The following ARL15 variants were observed in gnomAD, a reference collection of about 807,000 sequenced individuals.
The protein encoded by ARL15 is ADP-ribosylation factor-like protein 15.
Under a neutral mutation model 25.2 loss-of-function variants are expected in ARL15, and 19 were observed. That is an observed-to-expected ratio of 0.75 (90% CI 0.53 to 1.10). The LOEUF is 1.10. ARL15 is among the 50% of genes least tolerant of loss of function. The pLI, the probability that ARL15 is intolerant of heterozygous loss-of-function variation, is 0.00. For missense variants in ARL15, 220 were observed against 246.0 expected, an observed-to-expected ratio of 0.89 and a Z score of 0.71; for synonymous variants, 94 against 86.8, an observed-to-expected ratio of 1.08 and a Z score of -0.46.
At chr5:53,988,106 C>A (rs925663571) in intron 4 of ARL15, among the ~76,000 whole-genome samples, 2 of 149,976 alleles carry the variant, frequency 1.3e-5, no homozygotes, top group East Asian at 3.9e-4. Flanking sequence ...CCAACTCCAA[C>A]AACAACAACA....
intron 4 of ARL15, among the ~76,000 whole-genome samples, chr5:53,921,519 G>A (rs768554735): frequency 2.6e-5 from 4 of 152,130 alleles, no homozygotes; most frequent in East Asian, 1.9e-4. Context: ...AGAATAATGC[G>A]TATAAAACAC....
At chr5:53,899,347 CAAAAAAAAAA>C (rs59145507) in intron 4 of ARL15, among the ~76,000 whole-genome samples, 1 of 89,380 alleles carries the variant, frequency 1.1e-5, no homozygotes, top group Non-Finnish European at 1.9e-5. Flanking sequence ...GACTCTATCC[CAAAAAAAAAA>C]AAAAAAAAAA....
chr5:54,207,430 C>T (rs370892001), intron 1 of ARL15, among the ~76,000 whole-genome samples: 11 of 152,202 alleles, frequency 7.2e-5, no homozygotes, highest in East Asian at 3.8e-4. Context: ...ATTGTTCACA[C>T]TGCACCTACA....
At chr5:54,253,725 G>C (rs1253144442) in intron 1 of ARL15, among the ~76,000 whole-genome samples, 3 of 151,956 alleles carry the variant, frequency 2.0e-5, no homozygotes, top group Non-Finnish European at 4.4e-5. Context: ...CAAGTAGTTG[G>C]GACTACAGGT....
chr5:54,145,733 A>G (rs963361419), intron 3 of ARL15, among the ~76,000 whole-genome samples: 3 of 152,208 alleles, frequency 2.0e-5, no homozygotes, highest in African/African-American at 7.2e-5. Flanking sequence ...AGTGAATTAA[A>G]TAACAATAAC....
chr5:53,908,250 A>C (rs1745335516), intron 4 of ARL15, among the ~76,000 whole-genome samples: 1 of 152,204 alleles, frequency 6.6e-6, no homozygotes, highest in African/African-American at 2.4e-5. Context: ...ATATAGGAAA[A>C]AAATATAGTA....
chr5:54,105,046 AATG>A (rs1389041460), intron 4 of ARL15, among the ~76,000 whole-genome samples: 1 of 151,092 alleles, frequency 6.6e-6, no homozygotes, highest in Non-Finnish European at 1.5e-5. Context: ...TAATAATAAT[AATG>A]ATAATAATTA....
intron 4 of ARL15, among the ~76,000 whole-genome samples, chr5:54,011,411 G>A (rs1426205290): frequency 6.6e-6 from 1 of 152,058 alleles, no homozygotes; most frequent in Non-Finnish European, 1.5e-5. Context: ...AATCAGAAGA[G>A]GTTGGTTTTT....
intron 4 of ARL15, among the ~76,000 whole-genome samples, chr5:54,005,956 AC>A (rs912859440): frequency 6.6e-6 from 1 of 150,998 alleles, no homozygotes; most frequent in African/African-American, 2.4e-5. Flanking sequence ...GGGAGGAGGC[AC>A]AAGAATTGCT....
intron 1 of ARL15, among the ~76,000 whole-genome samples, chr5:54,194,046 G>A (rs907635078): frequency 6.6e-6 from 1 of 152,114 alleles, no homozygotes; most frequent in East Asian, 1.9e-4. Flanking sequence ...GACTATGGTA[G>A]TGAACACTAA....
At chr5:54,129,917 T>A (rs567136443) in intron 3 of ARL15, among the ~76,000 whole-genome samples, 1 of 152,320 alleles carries the variant, frequency 6.6e-6, no homozygotes, top group East Asian at 1.9e-4. Flanking sequence ...AATTGTAAAG[T>A]TTATAGCCCA....
intron 1 of ARL15, among the ~76,000 whole-genome samples, chr5:54,233,386 A>T (rs191577759): frequency 2.6e-5 from 4 of 152,238 alleles, no homozygotes; most frequent in Admixed American, 6.5e-5. Context: ...CAATTCAAGG[A>T]AAACAACTGT....
intron 4 of ARL15, among the ~76,000 whole-genome samples, chr5:53,890,267 G>GTTTC (rs1744670279): frequency 6.6e-6 from 1 of 151,836 alleles, no homozygotes. Flanking sequence ...AAAGAATAGT[G>GTTTC]TTTAACTTTG....
intron 1 of ARL15, among the ~76,000 whole-genome samples, chr5:54,298,096 T>C (rs927892528): frequency 1.3e-5 from 2 of 152,168 alleles, no homozygotes; most frequent in Non-Finnish European, 2.9e-5. Flanking sequence ...TCTTCTACTT[T>C]CTATGTGCCC....
chr5:54,106,477 G>A (rs945652278), intron 4 of ARL15, among the ~76,000 whole-genome samples: 2 of 151,940 alleles, frequency 1.3e-5, no homozygotes, highest in Admixed American at 1.3e-4. Context: ...ATCTCCCATG[G>A]ATACCAAAAT....
chr5:54,036,065 AC>A (rs1422640264), intron 4 of ARL15, among the ~76,000 whole-genome samples: 1 of 151,920 alleles, frequency 6.6e-6, no homozygotes, highest in East Asian at 1.9e-4. Context: ...TGGGAGGATC[AC>A]TTGAGCCCAG....
At chr5:54,101,617 G>A (rs1752441037) in intron 4 of ARL15, among the ~76,000 whole-genome samples, 1 of 152,062 alleles carries the variant, frequency 6.6e-6, no homozygotes, top group South Asian at 2.1e-4. Context: ...AATATGAAAA[G>A]AAAACAAGGA....
At chr5:53,886,823 A>G (rs1744541686) in intron 4 of ARL15, 110 bp from the exon 5 acceptor site, 3 of 1,004,468 alleles carry the variant, frequency 3.0e-6, no homozygotes, top group Middle Eastern at 3.1e-4. Context: ...ATTTATACGA[A>G]CTGTGATGCC....
chr5:54,303,778 C>T (rs528586301), intron 1 of ARL15, among the ~76,000 whole-genome samples: 50 of 135,420 alleles, frequency 3.7e-4, no homozygotes, highest in Non-Finnish European at 6.0e-4. Flanking sequence ...GGAAGAAAAA[C>T]GAAACAAAAC....
Sources: gnomAD v4.1 joint callset for allele counts (sites outside exome capture counted in the v4.1 genomes callset) on GRCh38, gnomAD v4.1.1 for gene constraint, MANE v1.5 for transcripts, NCBI Gene and HGNC (gene_info 2026-07-23, HGNC 2026-07-21) for gene names.